ARPP21: variants seen among roughly 807,000 people sequenced by gnomAD.
The protein encoded by ARPP21 is cAMP-regulated phosphoprotein 21.
In ARPP21, 69 loss-of-function variants were observed where a neutral mutation model predicts 113.2. The ratio of observed to expected loss-of-function variants is 0.61; its 90% CI spans 0.50 to 0.74. The LOEUF is 0.74. Among genes scored for constraint, ARPP21 ranks in the 30% least tolerant of loss-of-function variants. The pLI is 0.00. For missense variants in ARPP21, 1,070 were observed against 1,037.4 expected, an observed-to-expected ratio of 1.03 and a Z score of -0.43; for synonymous variants, 368 against 375.5, an observed-to-expected ratio of 0.98 and a Z score of 0.23.
At chr3:35,668,557 A>C (rs1478306702) in intron 1 of ARPP21, among the ~76,000 whole-genome samples, 1 of 152,182 alleles carries the variant, frequency 6.6e-6, no homozygotes, top group Non-Finnish European at 1.5e-5. Context: ...GAAGTCTACC[A>C]GGATATGAGG....
At chr3:35,648,492 C>T (rs1701123816) in intron 1 of ARPP21, among the ~76,000 whole-genome samples, 1 of 152,172 alleles carries the variant, frequency 6.6e-6, no homozygotes, top group Non-Finnish European at 1.5e-5. Flanking sequence ...GCTTTGGCCT[C>T]ACCAAGGGGT....
chr3:35,769,172 G>C (rs1376468039), intron 19 of ARPP21, among the ~76,000 whole-genome samples: 1 of 152,162 alleles, frequency 6.6e-6, no homozygotes, highest in Non-Finnish European at 1.5e-5. Context: ...GACCGAGAAA[G>C]TAGAAAGCTG....
At chr3:35,791,499 C>T (rs1486793459) in intron 19 of ARPP21, among the ~76,000 whole-genome samples, 1 of 152,080 alleles carries the variant, frequency 6.6e-6, no homozygotes, top group African/African-American at 2.4e-5. Flanking sequence ...TCATAACTTT[C>T]TTCCCAACAT....
chr3:35,720,206 C>T (rs955547901), intron 13 of ARPP21, among the ~76,000 whole-genome samples: 3 of 152,168 alleles, frequency 2.0e-5, no homozygotes, highest in Admixed American at 1.3e-4. Flanking sequence ...ATCTTTCACT[C>T]GAAAGCGCTT....
intron 9 of ARPP21, among the ~76,000 whole-genome samples, chr3:35,699,112 A>G (rs1186643362): frequency 1.3e-5 from 2 of 151,648 alleles, no homozygotes; most frequent in Non-Finnish European, 3.0e-5. Context: ...GTGTGAATAC[A>G]TAGTATGTAA....
chr3:35,743,977 C>G lies in ARPP21; in HGVS notation c.2137+12C>G, dbSNP rs766392424. 6.2e-7 allele frequency: 1 copy of G among 1,614,014 alleles called. No homozygotes were observed. The highest frequency in any genetic ancestry group is 1.3e-5 in the African/African-American group (1 of 75,066). Reference sequence around the variant, plus strand: ...AGCACAGCAAGCAGGTACTTGGAATCTGTTTCCCATTTGCTTCTCAACCCA... The same window carrying G: ...AGCACAGCAAGCAGGTACTTGGAATGTGTTTCCCATTTGCTTCTCAACCCA... On this transcript the variant is annotated intron_variant, in intron 19 of 20. Transcript: ENST00000684406.
intron 14 of ARPP21, 48 bp from the exon 15 acceptor site, chr3:35,729,255 T>C: frequency 7.5e-7 from 1 of 1,341,828 alleles, no homozygotes; most frequent in South Asian, 1.2e-5. Context: ...TGGTGCTTTC[T>C]CTCATCTCTG....
intron 15 of ARPP21, among the ~76,000 whole-genome samples, chr3:35,733,080 G>A (rs2094104773): frequency 6.6e-6 from 1 of 152,062 alleles, no homozygotes; most frequent in African/African-American, 2.4e-5. Flanking sequence ...TGACAGAAGG[G>A]TAAATTCAGA....
At chr3:35,724,525 G>A (rs115524480) in intron 14 of ARPP21, among the ~76,000 whole-genome samples, 1,724 of 152,288 alleles carry the variant, frequency 0.011, 12 homozygotes, top group Middle Eastern at 0.024. Context: ...GAGCCCATAG[G>A]TCTGGGATGG....
intron 19 of ARPP21, among the ~76,000 whole-genome samples, chr3:35,753,815 ATGT>A (rs1211928220): frequency 6.6e-6 from 1 of 151,978 alleles, no homozygotes; most frequent in Non-Finnish European, 1.5e-5. Flanking sequence ...TGCCTCTTTA[ATGT>A]TGTTCTGAAA....
intron 9 of ARPP21, among the ~76,000 whole-genome samples, chr3:35,692,086 A>T (rs1465107233): frequency 6.6e-6 from 1 of 151,572 alleles, no homozygotes; most frequent in Non-Finnish European, 1.5e-5. Context: ...AAGCATGGCT[A>T]TTATTAATAT....
At chr3:35,639,375 C>G (rs1033638650), upstream of ARPP21, among the ~76,000 whole-genome samples, 93 of 152,044 alleles carry the variant, frequency 6.1e-4, no homozygotes, top group Admixed American at 2.0e-3. This position sits in a 1 kb window ranked among gnomAD's most constrained non-coding sequence, Gnocchi z 5.0. Context: ...CCGGGGTCTC[C>G]GGCCAGAGCA....
At chr3:35,671,086 G>A (rs1222262288) in intron 1 of ARPP21, among the ~76,000 whole-genome samples, 3 of 152,046 alleles carry the variant, frequency 2.0e-5, no homozygotes, top group African/African-American at 4.8e-5. Context: ...CTCTGTAAAG[G>A]CACATAGCTC....
intron 5 of ARPP21, chr3:35,685,919 C>T (rs1053731108): frequency 3.7e-5 from 16 of 434,068 alleles, no homozygotes; most frequent in Non-Finnish European, 4.9e-5. Context: ...TCTTTCAACA[C>T]CGTAATATAT....
At chr3:35,786,276 C>T (rs1458419230) in intron 19 of ARPP21, among the ~76,000 whole-genome samples, 1 of 152,152 alleles carries the variant, frequency 6.6e-6, no homozygotes, top group Non-Finnish European at 1.5e-5. Flanking sequence ...GTAATCCCGG[C>T]ACTTTGGGAG....
chr3:35,726,868 A>T (rs988348158), intron 14 of ARPP21, among the ~76,000 whole-genome samples: 1 of 152,164 alleles, frequency 6.6e-6, no homozygotes, highest in Admixed American at 6.5e-5. Flanking sequence ...ACCTTGGTAC[A>T]GGAGGTTTTG....
At chr3:35,663,535 G>A (rs1708779579) in intron 1 of ARPP21, among the ~76,000 whole-genome samples, 1 of 152,154 alleles carries the variant, frequency 6.6e-6, no homozygotes, top group African/African-American at 2.4e-5. Flanking sequence ...TCAGCATTTT[G>A]CCCTTCTTGT....
chr3:35,754,336 AG>A (rs1187232216), intron 19 of ARPP21, among the ~76,000 whole-genome samples: 1 of 151,964 alleles, frequency 6.6e-6, no homozygotes, highest in African/African-American at 2.4e-5. Flanking sequence ...GACAGCTCTG[AG>A]GACATGATTT....
chr3:35,715,595 A>C, intron 12 of ARPP21, 119 bp downstream of exon 12: 1 of 760,740 alleles, frequency 1.3e-6, no homozygotes, highest in Non-Finnish European at 2.2e-6. Context: ...ATTAGCAGAT[A>C]CATATATCTA....
Sources: allele counts gnomAD v4.1 joint callset (sites outside exome capture counted in the v4.1 genomes callset), GRCh38; gene constraint gnomAD v4.1.1; non-coding constraint Gnocchi (gnomAD v3.1); transcripts MANE v1.5; gene names NCBI Gene and HGNC (gene_info 2026-07-23, HGNC 2026-07-21).